HDAC4: variants seen among roughly 807,000 people sequenced by gnomAD.
HDAC4 encodes the protein histone deacetylase 4.
A neutral mutation model predicts 135.1 loss-of-function variants in HDAC4; 16 were observed. The observed-to-expected ratio is 0.12, with a 90% CI of 0.08 to 0.18. The LOEUF (loss-of-function observed/expected upper bound fraction) is 0.18, where lower values mean the gene tolerates loss of function less well. Ranked by LOEUF, HDAC4 falls within the 10% of genes least tolerant of loss-of-function variation. The pLI, the probability that HDAC4 is intolerant of heterozygous loss-of-function variation, is 1.00. For missense variants in HDAC4, 1,143 were observed against 1,511.8 expected (o/e 0.76, Z 4.05); for synonymous variants, 685 against 653.4 (o/e 1.05, Z -0.74).
intron 22 of HDAC4, among the ~76,000 whole-genome samples, chr2:239,074,567 C>A (rs769783231): frequency 6.6e-6 from 1 of 152,234 alleles, no homozygotes; most frequent in Non-Finnish European, 1.5e-5. Flanking sequence ...CGTGAGGCTG[C>A]GTGGGGCACA....
At chr2:239,318,288 C>G (rs1242334725) in intron 2 of HDAC4, among the ~76,000 whole-genome samples, 2 of 152,224 alleles carry the variant, frequency 1.3e-5, no homozygotes, top group African/African-American at 2.4e-5. Context: ...GGCCGCCAAG[C>G]CCAGCGGCAT....
chr2:239,236,754 A>C (rs372588060), intron 2 of HDAC4, 90 bp from the exon 3 acceptor site: 5 of 901,276 alleles, frequency 5.5e-6, no homozygotes, highest in African/African-American at 3.3e-5. Context: ...GTAACTCCCC[A>C]AACAATGAAA....
At chr2:239,241,588 T>G (rs2048178825) in intron 2 of HDAC4, among the ~76,000 whole-genome samples, 3 of 152,228 alleles carry the variant, frequency 2.0e-5, no homozygotes, top group Non-Finnish European at 4.4e-5. Context: ...TTCTCAATCT[T>G]TCAAAGCTTC....
chr2:239,102,307 C>T (rs1309937001), intron 16 of HDAC4, among the ~76,000 whole-genome samples: 1 of 152,192 alleles, frequency 6.6e-6, no homozygotes, highest in African/African-American at 2.4e-5. Context: ...AAGTTCTCTC[C>T]ATGAGGCTAA....
In HDAC4 at chr2:239,068,704, C is replaced by T; in HGVS notation, c.2751-97G>A. The T allele has an allele frequency of 2.9e-6, 3 of 1,041,870 alleles. No individual in the cohort carries two copies. The highest frequency in any genetic ancestry group is 4.5e-6 in the Non-Finnish European group (3 of 661,960). 64.5% of individuals were successfully genotyped at this position (1,041,870 alleles called of 1,614,324 possible). ...TCCCTCTGGCATTGATAATGCCTGCCCCGCACCCCCTCGGCCACTGGCGGG... is the reference window on the plus strand; with the variant it reads ...TCCCTCTGGCATTGATAATGCCTGCTCCGCACCCCCTCGGCCACTGGCGGG... On this transcript the variant is annotated intron_variant, in intron 22 of 26. Transcript: ENST00000543185. This position sits in a 1 kb window ranked among gnomAD's most constrained non-coding sequence, Gnocchi z 4.4.
intron 2 of HDAC4, among the ~76,000 whole-genome samples, chr2:239,250,218 G>C (rs2048706314): frequency 6.6e-6 from 1 of 152,260 alleles, no homozygotes. Context: ...GTGTGGTCCA[G>C]ACATCACCTT....
Position 239,139,856 on chromosome 2 carries a change from C to T in HDAC4, c.866-60G>A, listed in dbSNP as rs2041239672. 1.6e-5 allele frequency: 23 copies of T among 1,461,948 alleles called. No individual in the cohort carries two copies. In the South Asian group the frequency reaches 2.4e-4, roughly 15 times the overall value. 90.6% of individuals were successfully genotyped at this position (1,461,948 alleles called of 1,614,324 possible). On this transcript the variant is annotated intron_variant, in intron 8 of 26. Coordinates refer to ENST00000543185, the MANE Select transcript of HDAC4 (RefSeq NM_001378414.1). This position sits in a 1 kb window ranked among gnomAD's most constrained non-coding sequence, Gnocchi z 5.3. ...CCATGCGGAGGGAGGGCCGTGCTGA[C>T]CTGTGGCCCGAATGCCCGGTGCCTT... is the stretch of plus-strand genomic sequence containing the variant.
intron 1 of HDAC4, among the ~76,000 whole-genome samples, chr2:239,376,043 G>C (rs1347929935): frequency 2.6e-5 from 4 of 152,380 alleles, no homozygotes; most frequent in African/African-American, 4.8e-5. Context: ...AGGGCTGGCA[G>C]GTTCTGGGCA....
chr2:239,252,549 G>A (rs913852369), intron 2 of HDAC4, among the ~76,000 whole-genome samples: 2 of 152,198 alleles, frequency 1.3e-5, no homozygotes, highest in Admixed American at 1.3e-4. Flanking sequence ...AAAGGCACGA[G>A]GGAAAGAGCA....
At chr2:239,389,129 ACT>A (rs1696025922) in intron 1 of HDAC4, among the ~76,000 whole-genome samples, 1 of 151,940 alleles carries the variant, frequency 6.6e-6, no homozygotes, top group South Asian at 2.1e-4. Flanking sequence ...ACCAATCAGC[ACT>A]CTGTGTCTAG....
At chr2:239,072,180 T>C (rs1402819918) in intron 22 of HDAC4, among the ~76,000 whole-genome samples, 3 of 152,244 alleles carry the variant, frequency 2.0e-5, no homozygotes, top group Non-Finnish European at 4.4e-5. Context: ...TGAGAAGGGC[T>C]CTTTTCAAAC....
chr2:239,098,525 G>C (rs1435562322), intron 16 of HDAC4, among the ~76,000 whole-genome samples: 1 of 152,244 alleles, frequency 6.6e-6, no homozygotes, highest in Non-Finnish European at 1.5e-5. Flanking sequence ...GCAGCACCCT[G>C]CCAGCTGACA....
In HDAC4 at chr2:239,249,789, AAC is replaced by A. The variant is rs1336429077; in HGVS notation, c.23-13127_23-13126del. On this transcript the variant is annotated intron_variant, in intron 2 of 26. Transcript: ENST00000543185. ...GCTGAGCTATTAAAGAAAAAAAAAA[AAC>A]AAGGAGCTGAATATTAAGTGACACA... Among the ~76,000 whole-genome samples the A allele has an allele frequency of 2.1e-5, 3 of 145,776 alleles. No individual in the cohort carries two copies. The East Asian group carries it at 5.8e-4, about 28-fold the overall frequency.
intron 7 of HDAC4, among the ~76,000 whole-genome samples, chr2:239,153,667 A>T (rs1262790789): frequency 1.3e-5 from 2 of 152,246 alleles, no homozygotes; most frequent in Non-Finnish European, 2.9e-5. Flanking sequence ...CTTCTGGAGC[A>T]CTATGTATTC....
At chr2:239,081,236 G>T in intron 21 of HDAC4, 44 bp from the exon 22 acceptor site, 1 of 1,529,076 alleles carries the variant, frequency 6.5e-7, no homozygotes. Flanking sequence ...ACCCCGAGCG[G>T]GACCTGTCTG....
chr2:239,233,699 T>A (rs1347527079), intron 3 of HDAC4, among the ~76,000 whole-genome samples: 1 of 152,202 alleles, frequency 6.6e-6, no homozygotes, highest in Non-Finnish European at 1.5e-5. Flanking sequence ...GTGTTGAACA[T>A]AACGGCATTC....
intron 1 of HDAC4, among the ~76,000 whole-genome samples, chr2:239,392,934 G>A (rs907424748): frequency 3.3e-5 from 5 of 152,126 alleles, no homozygotes; most frequent in African/African-American, 1.2e-4. Context: ...TGCCAGCTCG[G>A]GTCCCCCAGC....
At chr2:239,133,974 C>T (rs1295205297) in intron 11 of HDAC4, among the ~76,000 whole-genome samples, 1 of 152,294 alleles carries the variant, frequency 6.6e-6, no homozygotes, top group South Asian at 2.1e-4. Flanking sequence ...CAGACAGAAA[C>T]CCAAATCGCA....
chr2:239,238,967 G>A (rs980513219), intron 2 of HDAC4, among the ~76,000 whole-genome samples: 1 of 152,202 alleles, frequency 6.6e-6, no homozygotes, highest in South Asian at 2.1e-4. Context: ...GCACACCAAG[G>A]AGAATGCCGT....
Sources: gnomAD v4.1 joint callset for allele counts (sites outside exome capture counted in the v4.1 genomes callset) on GRCh38, gnomAD v4.1.1 for gene constraint, Gnocchi (gnomAD v3.1) non-coding constraint, MANE v1.5 for transcripts, NCBI Gene and HGNC (gene_info 2026-07-23, HGNC 2026-07-21) for gene names.